The following AIRE variants were observed in gnomAD, a reference collection of about 807,000 sequenced individuals.
AIRE encodes autoimmune regulator, also known as autoimmune polyendocrinopathy candidiasis ectodermal dystrophy protein.
In AIRE, 52 loss-of-function variants were observed where a neutral mutation model predicts 62.1. That is an observed-to-expected ratio of 0.84 (90% CI 0.67 to 1.06). The LOEUF (loss-of-function observed/expected upper bound fraction) is 1.06, where lower values mean the gene tolerates loss of function less well. Among genes scored for constraint, AIRE ranks in the 50% least tolerant of loss-of-function variants. AIRE has a pLI of 0.00. For synonymous variants in AIRE, 342 were observed against 321.6 expected, an observed-to-expected ratio of 1.06 and a Z score of -0.68; for missense variants, 774 against 755.8, an observed-to-expected ratio of 1.02 and a Z score of -0.28.
chr21:44,286,256 A>G lies in AIRE; in HGVS notation c.132+118A>G. ...CCCCAAGCCCCTCCAGCCTTCCCCA[A>G]CTCCCTCCCCACAAGGAGCCAGGGG... On this transcript the variant is annotated intron_variant, in intron 1 of 13. Coordinates refer to ENST00000291582, the MANE Select transcript of AIRE (RefSeq NM_000383.4). This position sits in a 1 kb window ranked among gnomAD's most constrained non-coding sequence, Gnocchi z 6.0. 2 of 1,180,566 alleles carry G rather than the reference A, an allele frequency of 1.7e-6. No individual in the cohort carries two copies. Among genetic ancestry groups the G allele is most frequent in the South Asian group, 1.4e-5 (1 of 72,794 alleles). The allele number at this position is 1,180,566 out of a possible 1,614,324, so 73.1% of individuals were successfully genotyped here.
At chr21:44,294,578 A>C (rs889550715) in intron 12 of AIRE, 75 bp downstream of exon 12, 1 of 805,594 alleles carries the variant, frequency 1.2e-6, no homozygotes, top group Non-Finnish European at 1.8e-6. Flanking sequence ...TTGGGGGAGC[A>C]CATCTCAGGG....
At position 44,286,741 on chromosome 21, in the gene AIRE, G is replaced by C; in HGVS notation, c.307+10G>C. ...GACAGCTTCCCCAAAGGTGGGTCCT[G>C]GTGGACTCAGCCATGCTGGGGGCCT... On this transcript the variant is annotated intron_variant, in intron 2 of 13. Transcript: ENST00000291582. The surrounding 1 kb of genome is among the most constrained non-coding windows in gnomAD (Gnocchi z 6.0). The C allele has an allele frequency of 6.2e-7, 1 of 1,612,618 alleles. No homozygotes were observed.
At chr21:44,288,286 G>A (rs1448206693) in intron 4 of AIRE, 59 bp from the exon 5 acceptor site, 1 of 1,335,972 alleles carries the variant, frequency 7.5e-7, no homozygotes, top group Non-Finnish European at 1.1e-6. Context: ...CTGGCATAGA[G>A]TATGTGCTTG....
rs1437635673 is a variant in AIRE, at chr21:44,286,183, C to T, written c.132+45C>T. ...CCCGCTGCCCCCAGGCCCTGTGAGC[C>T]AGGGATAGTCCCCGGGGAAGTTCCA... On this transcript the variant is annotated intron_variant, in intron 1 of 13. Coordinates refer to ENST00000291582, the MANE Select transcript of AIRE (RefSeq NM_000383.4). This position sits in a 1 kb window ranked among gnomAD's most constrained non-coding sequence, Gnocchi z 6.0. The T allele has an allele frequency of 1.3e-6, 2 of 1,534,258 alleles. No homozygotes were observed. Among genetic ancestry groups the T allele is most frequent in the African/African-American group, 2.8e-5 (2 of 72,570 alleles).
rs937472076 is a variant in AIRE at position 44,287,416 on chromosome 21, C to T, written c.464-101C>T. The T allele has an allele frequency of 2.4e-6, 2 of 847,806 alleles. No individual in the cohort carries two copies. The highest frequency in any genetic ancestry group is 3.9e-6 in the Non-Finnish European group (2 of 515,526). The allele number at this position is 847,806 out of a possible 1,614,324, so 52.5% of individuals were successfully genotyped here. A position where few individuals can be genotyped will look rare whatever the true frequency, so the allele number is the denominator to read the frequency against. On this transcript the variant is annotated intron_variant, in intron 3 of 13. Transcript: ENST00000291582. The surrounding 1 kb of genome is among the most constrained non-coding windows in gnomAD (Gnocchi z 4.3). ...AGCCCGGCAAAGGGACTACCCAGCA[C>T]TGGACCGCCCCCTCCACGCCCTCCC...
chr21:44,287,440 C>A lies in AIRE; in HGVS notation c.464-77C>A. 9.5e-7 allele frequency: 1 copy of A among 1,055,710 alleles called. No individual in the cohort carries two copies. Among genetic ancestry groups the A allele is most frequent in the Non-Finnish European group, 1.4e-6 (1 of 699,358 alleles). The allele number at this position is 1,055,710 out of a possible 1,614,324, so 65.4% of individuals were successfully genotyped here. On this transcript the variant is annotated intron_variant, in intron 3 of 13. Coordinates refer to ENST00000291582, the MANE Select transcript of AIRE (RefSeq NM_000383.4). This position sits in a 1 kb window ranked among gnomAD's most constrained non-coding sequence, Gnocchi z 4.3. ...ACTGGACCGCCCCCTCCACGCCCTC[C>A]CACCGCGGGCCCCTGCCCACCGGCA...
In AIRE at chr21:44,291,181, C is replaced by A. The variant is rs760103978; in HGVS notation, c.966C>A (p.Cys322Ter). ...GCCCTCGGGCCTTCCACCTGGCCTG[C>A]CTGTCCCCTCCGCTCCGGGAGATCC... is the stretch of plus-strand genomic sequence containing the variant. ...DGCPRAFHLA[C>*]LSPPLREIPS... The change falls in exon 8 of 14, where the codon TGC becomes TGA. Residue 322 changes from cysteine to a stop codon, truncating the protein, a stop_gained. Transcript: ENST00000291582. LOFTEE classifies it high-confidence loss of function. 1 of 1,602,450 alleles carries A rather than the reference C, an allele frequency of 6.2e-7. No homozygotes were observed. Among genetic ancestry groups the A allele is most frequent in the Non-Finnish European group, 8.5e-7 (1 of 1,176,662 alleles).
At position 44,297,492 on chromosome 21, in the gene AIRE, A is replaced by G. The variant is rs1221933132; in HGVS notation, c.1567-164A>G. Among the ~76,000 whole-genome samples the G allele has an allele frequency of 6.6e-6, 1 of 152,168 alleles. No homozygotes were observed. Among genetic ancestry groups the G allele is most frequent in the African/African-American group, 2.4e-5 (1 of 41,440 alleles). ...TGGAATACGGTGAAGTGCACAGGAC[A>G]GGGTCCTCCCCAGACTGGCCTGTGC... On this transcript the variant is annotated intron_variant, in intron 13 of 13. Coordinates refer to ENST00000291582, the MANE Select transcript of AIRE (RefSeq NM_000383.4). This position sits in a 1 kb window ranked among gnomAD's most constrained non-coding sequence, Gnocchi z 4.8.
chr21:44,294,032 C>G, intron 11 of AIRE, 122 bp downstream of exon 11: 2 of 1,329,618 alleles, frequency 1.5e-6, no homozygotes, highest in African/African-American at 1.5e-5. Context: ...ACACTCCCAC[C>G]CACACCTTGC....
In AIRE at chr21:44,286,896, C is replaced by G. The variant is rs1287456097; in HGVS notation, c.308-82C>G. ...AAGGGGCCAGGCCTCACCTGTCTGG[C>G]CAAGGTGTCCAGTTCTGGGGCCCAC... On this transcript the variant is annotated intron_variant, in intron 2 of 13. Transcript: ENST00000291582. This position sits in a 1 kb window ranked among gnomAD's most constrained non-coding sequence, Gnocchi z 6.0. 1 of 1,600,168 alleles carries G rather than the reference C, an allele frequency of 6.2e-7. No individual in the cohort carries two copies. Among genetic ancestry groups the G allele is most frequent in the East Asian group, 2.2e-5 (1 of 44,802 alleles).
rs112959177 is a variant in AIRE, at chr21:44,295,851, C to T, written c.1504-532C>T. Reference sequence around the variant, plus strand: ...TCAGCCATGCAGGGCTGCCGGGCCTCGCAGCGCCAGTGTTCACCCGAGTGG... The same window carrying T: ...TCAGCCATGCAGGGCTGCCGGGCCTTGCAGCGCCAGTGTTCACCCGAGTGG... On this transcript the variant is annotated intron_variant, in intron 12 of 13. Transcript: ENST00000291582. Among the ~76,000 whole-genome samples the T allele has an allele frequency of 2.9e-3, 428 of 149,708 alleles. 1 individual carries two copies. The highest frequency in any genetic ancestry group is 0.01 in the African/African-American group (401 of 39,122).
chr21:44,291,205 C>A lies in AIRE; in HGVS notation c.990C>A (p.Ile330=), dbSNP rs1036633160. ...LACLSPPLRE[I]PSGTWRCSSC... The stretch of plus-strand genomic sequence containing the variant: ...GCCTGTCCCCTCCGCTCCGGGAGAT[C>A]CCCAGGTGAGCCTGCACCTCTGCCA... Residue 330 remains isoleucine (I), a synonymous_variant, in exon 8 of 14, where the codon ATC becomes ATA. Transcript: ENST00000291582. 1.2e-6 allele frequency: 2 copies of A among 1,601,010 alleles called. No individual in the cohort carries two copies. Among genetic ancestry groups the A allele is most frequent in the African/African-American group, 2.7e-5 (2 of 74,836 alleles).
Position 44,293,916 on chromosome 21 carries a change from T to A in AIRE, c.1400+6T>A, listed in dbSNP as rs757463079. ...GCCGGCACCTCCCGGCCCGGGTGAG[T>A]GAGCGTGGTCGGCGGGGAGGCCTGA... is the stretch of plus-strand genomic sequence containing the variant. On this transcript the variant is annotated splice_donor_region_variant and intron_variant, in intron 11 of 13. Transcript: ENST00000291582. 3 of 1,596,148 alleles carry A rather than the reference T, an allele frequency of 1.9e-6. No homozygotes were observed. The Admixed American group carries it at 5.0e-5, about 27-fold the overall frequency.
In AIRE at chr21:44,297,014, C is replaced by T. The variant is rs908036408; in HGVS notation, c.1566+569C>T. Among the ~76,000 whole-genome samples the T allele has an allele frequency of 4.6e-5, 7 of 152,232 alleles. No individual in the cohort carries two copies. The highest frequency in any genetic ancestry group is 4.1e-4 in the South Asian group (2 of 4,836). ...TCTCCTCAGTGTCTGATGTGGCACC[C>T]GGGGGTCCCAGCTGACCATGGGGCA... is the stretch of plus-strand genomic sequence containing the variant. On this transcript the variant is annotated intron_variant, in intron 13 of 13. Transcript: ENST00000291582. The surrounding 1 kb of genome is among the most constrained non-coding windows in gnomAD (Gnocchi z 4.8).
intron 12 of AIRE, among the ~76,000 whole-genome samples, chr21:44,295,250 C>T (rs1468335963): frequency 6.6e-5 from 10 of 152,204 alleles, no homozygotes; most frequent in African/African-American, 2.4e-4. Flanking sequence ...GCCCCGTATA[C>T]ACCGTGTGGG....
intron 13 of AIRE, among the ~76,000 whole-genome samples, chr21:44,296,846 C>T (rs554062018): frequency 1.3e-5 from 2 of 152,292 alleles, no homozygotes; most frequent in African/African-American, 4.8e-5. Context: ...GTCCCAGACC[C>T]CGTCCCTCTA....
At position 44,286,678 on chromosome 21, in the gene AIRE, A is replaced by G. The variant is rs179363882; in HGVS notation, c.254A>G (p.Tyr85Cys). 2 of 1,613,068 alleles carry G rather than the reference A, an allele frequency of 1.2e-6. No homozygotes were observed. Among genetic ancestry groups the G allele is most frequent in the Middle Eastern group, 3.3e-4 (2 of 6,060 alleles). The change falls in exon 2 of 14, where the codon TAC becomes TGC. Residue 85 changes from tyrosine (Y) to cysteine (C), a missense_variant. Transcript: ENST00000291582. The surrounding 1 kb of genome is among the most constrained non-coding windows in gnomAD (Gnocchi z 6.0). ...TTCTGGAGGGTGCTGTTCAAGGACT[A>G]CAACCTGGAGCGCTATGGCCGGCTG... ...LDFWRVLFKD[Y>C]NLERYGRLQP... is the part of the protein sequence containing the mutation.
chr21:44,286,504 G>C lies in AIRE; in HGVS notation c.133-53G>C, dbSNP rs2040483208. 2.6e-6 allele frequency: 4 copies of C among 1,558,158 alleles called. No individual in the cohort carries two copies. The Admixed American group carries it at 7.0e-5, about 27-fold the overall frequency. On this transcript the variant is annotated intron_variant, in intron 1 of 13. Transcript: ENST00000291582. This position sits in a 1 kb window ranked among gnomAD's most constrained non-coding sequence, Gnocchi z 6.0. The stretch of plus-strand genomic sequence containing the variant: ...CCTCTAGTCATGATGGAGATGGGCA[G>C]GCCGCAGGGTGTGGGGGACCATGGC...
chr21:44,292,759 AG>A (rs1357733843), intron 9 of AIRE, among the ~76,000 whole-genome samples: 4 of 152,104 alleles, frequency 2.6e-5, no homozygotes, highest in Non-Finnish European at 5.9e-5. Flanking sequence ...CCTGAGGGCC[AG>A]GGGGCCCCCC....
Sources: allele counts gnomAD v4.1 joint callset (sites outside exome capture counted in the v4.1 genomes callset), GRCh38; gene constraint gnomAD v4.1.1; non-coding constraint Gnocchi (gnomAD v3.1); transcripts MANE v1.5; gene names NCBI Gene and HGNC (gene_info 2026-07-23, HGNC 2026-07-21).